The following MBOAT4 variants were observed in gnomAD, a reference collection of about 807,000 sequenced individuals.
MBOAT4 encodes membrane-bound ghrelin O-acyltransferase MBOAT4.
In MBOAT4, 11 loss-of-function variants were observed where a neutral mutation model predicts 13.2. The observed-to-expected ratio is 0.84, with a 90% CI of 0.53 to 1.38. The LOEUF is 1.38. Ranked by LOEUF, MBOAT4 falls within the 40% of genes most tolerant of loss-of-function variation. The pLI is 0.00. For synonymous variants in MBOAT4, 202 were observed against 210.3 expected, an observed-to-expected ratio of 0.96 and a Z score of 0.34; for missense variants, 481 against 527.2, an observed-to-expected ratio of 0.91 and a Z score of 0.86.
At chr8:30,136,822 G>A (rs1191640566) in intron 2 of MBOAT4, among the ~76,000 whole-genome samples, 1 of 151,664 alleles carries the variant, frequency 6.6e-6, no homozygotes, top group East Asian at 1.9e-4. Context: ...CGAGTAGCTG[G>A]GATTCCAGGC....
chr8:30,139,956 G>A (rs945099004), intron 1 of MBOAT4, among the ~76,000 whole-genome samples: 5 of 152,072 alleles, frequency 3.3e-5, no homozygotes, highest in Non-Finnish European at 1.5e-5. Flanking sequence ...GCAAAATCTT[G>A]TCTCTAAAAA....
At chr8:30,143,478 T>A (rs1038092253) in intron 1 of MBOAT4, among the ~76,000 whole-genome samples, 9 of 152,086 alleles carry the variant, frequency 5.9e-5, no homozygotes, top group African/African-American at 2.2e-4. Flanking sequence ...AACAGTACAC[T>A]CACCATTTCT....
At chr8:30,139,377 A>T (rs78326608) in intron 1 of MBOAT4, among the ~76,000 whole-genome samples, 1 of 151,676 alleles carries the variant, frequency 6.6e-6, no homozygotes, top group South Asian at 2.1e-4. Context: ...CTGGCTAGCA[A>T]GGACATCTTT....
At chr8:30,133,961 C>T (rs1442515506) in intron 2 of MBOAT4, among the ~76,000 whole-genome samples, 2 of 152,100 alleles carry the variant, frequency 1.3e-5, no homozygotes, top group Non-Finnish European at 2.9e-5. Flanking sequence ...AAACCACAAC[C>T]TTGCATAACA....
intron 1 of MBOAT4, among the ~76,000 whole-genome samples, chr8:30,142,695 G>A (rs1803281905): frequency 6.6e-6 from 1 of 152,030 alleles, no homozygotes; most frequent in Non-Finnish European, 1.5e-5. Flanking sequence ...AACTCCATGA[G>A]GATTAATCCT....
At chr8:30,138,935 G>A (rs13271667) in intron 1 of MBOAT4, among the ~76,000 whole-genome samples, 179 bp from the exon 2 acceptor site, 136,636 of 151,886 alleles carry the variant, frequency 0.9, 61,990 homozygotes, top group Middle Eastern at 0.97. Flanking sequence ...CACGGGAGAA[G>A]GAGCCAGGGT....
At chr8:30,137,446 A>C in intron 2 of MBOAT4, 1 of 1,551,726 alleles carries the variant, frequency 6.4e-7, no homozygotes, top group Non-Finnish European at 8.7e-7. Flanking sequence ...ACTTCTGGGC[A>C]GGCCTGCTCT....
At position 30,137,449 on chromosome 8, in the gene MBOAT4, C is replaced by T. The variant is rs774295355; in HGVS notation, c.344+1083G>A. On this transcript the variant is annotated intron_variant, in intron 2 of 2. Transcript: ENST00000320542. The stretch of plus-strand genomic sequence containing the variant: ...CAGTGCTGAGTCACTTCTGGGCAGG[C>T]CTGCTCTGTGGGCTCTAGGATTCCT... 1.9e-6 allele frequency: 3 copies of T among 1,551,602 alleles called. No individual in the cohort carries two copies. The African/African-American group carries it at 4.1e-5, about 21-fold the overall frequency.
At chr8:30,136,079 C>T (rs1329797158) in intron 2 of MBOAT4, among the ~76,000 whole-genome samples, 1 of 152,116 alleles carries the variant, frequency 6.6e-6, no homozygotes, top group African/African-American at 2.4e-5. Flanking sequence ...TCACTGAAAG[C>T]AAGGTAGCCT....
At chr8:30,137,557 G>A in intron 2 of MBOAT4, 3 of 1,243,162 alleles carry the variant, frequency 2.4e-6, no homozygotes, top group Non-Finnish European at 2.3e-6. Flanking sequence ...TGGCAGTGAT[G>A]ATTAGTCACA....
At chr8:30,137,588 C>A in intron 2 of MBOAT4, 2 of 1,006,840 alleles carry the variant, frequency 2.0e-6, no homozygotes, top group Non-Finnish European at 2.9e-6. Flanking sequence ...TATATTCATT[C>A]TAATGAAACT....
rs1347965134 is a variant in MBOAT4, at chr8:30,132,326, T to C, written c.925A>G (p.Ser309Gly). ...AGCCGTCGGAGCCATCGAGCTGTGC[T>C]TTGGTTCCACTTTCTTGAGAACACA... ...ISVFSRKWNQ[S>G]TARWLRRLVF... Residue 309 changes from serine to glycine, a missense_variant, in exon 3 of 3, where the codon AGC becomes GGC. Physicochemically the swap from Ser to Gly is moderately conservative, Grantham distance 56. Transcript: ENST00000320542. 2 of 1,551,750 alleles carry C rather than the reference T, an allele frequency of 1.3e-6. No individual in the cohort carries two copies. The highest frequency in any genetic ancestry group is 8.7e-7 in the Non-Finnish European group (1 of 1,147,012).
intron 1 of MBOAT4, among the ~76,000 whole-genome samples, chr8:30,143,937 A>G (rs1414049681): frequency 6.6e-6 from 1 of 152,214 alleles, no homozygotes; most frequent in Admixed American, 6.5e-5. Context: ...CTCATCTGCC[A>G]TTTAACCTGA....
chr8:30,144,108 T>C (rs1201764800), intron 1 of MBOAT4, among the ~76,000 whole-genome samples: 2 of 151,956 alleles, frequency 1.3e-5, no homozygotes, highest in African/African-American at 2.4e-5. Context: ...TGCAGTCTAC[T>C]CTGCTTTTTG....
At chr8:30,143,239 T>C (rs925917779) in intron 1 of MBOAT4, among the ~76,000 whole-genome samples, 1 of 152,008 alleles carries the variant, frequency 6.6e-6, no homozygotes, top group Non-Finnish European at 1.5e-5. Context: ...TCCCAGGTAC[T>C]GGGGAGGCTG....
Position 30,131,932 on chromosome 8 carries a change from A to G in MBOAT4, c.*11T>C, listed in dbSNP as rs1349848519. On this transcript the variant is annotated 3_prime_UTR_variant, in exon 3 of 3. Coordinates refer to ENST00000320542, the MANE Select transcript of MBOAT4 (RefSeq NM_001100916.2). ...TTCCTGGGTGTTTAAGGTGAAAGCCAGGGAAAGATGTCAGTTACATTTGTG... is the reference window on the plus strand; with the variant it reads ...TTCCTGGGTGTTTAAGGTGAAAGCCGGGGAAAGATGTCAGTTACATTTGTG... 6 of 1,537,354 alleles carry G rather than the reference A, an allele frequency of 3.9e-6. No homozygotes were observed. Among genetic ancestry groups the G allele is most frequent in the African/African-American group, 1.4e-5 (1 of 72,842 alleles).
At chr8:30,137,626 T>TTTATCGGTCTGG in intron 2 of MBOAT4, 1 of 756,234 alleles carries the variant, frequency 1.3e-6, no homozygotes. Flanking sequence ...ACTGAGACAG[T>TTTATCGGTCTGG]GAAAGAAGTC....
At chr8:30,137,100 A>T (rs1803164522) in intron 2 of MBOAT4, among the ~76,000 whole-genome samples, 1 of 152,194 alleles carries the variant, frequency 6.6e-6, no homozygotes, top group African/African-American at 2.4e-5. Flanking sequence ...CGCCTGGAGC[A>T]TCACAGCCTC....
intron 1 of MBOAT4, among the ~76,000 whole-genome samples, chr8:30,143,372 T>A (rs374683532): frequency 0.26 from 2,632 of 9,966 alleles, 90 homozygotes; most frequent in Non-Finnish European, 0.36. Flanking sequence ...AAAAAATATA[T>A]ATATATATAT....
Sources: allele counts gnomAD v4.1 joint callset (sites outside exome capture counted in the v4.1 genomes callset), GRCh38; gene constraint gnomAD v4.1.1; transcripts MANE v1.5; gene names NCBI Gene and HGNC (gene_info 2026-07-23, HGNC 2026-07-21).